Variants in CACNA1C observed in about 807,000 individuals in gnomAD.
CACNA1C encodes calcium voltage-gated channel subunit alpha1 C.
A neutral mutation model predicts 229.0 loss-of-function variants in CACNA1C; 30 were observed. The observed-to-expected ratio is 0.13, with a 90% CI of 0.10 to 0.18. The LOEUF is 0.18. CACNA1C is among the 10% of genes least tolerant of loss of function. The pLI is 1.00. For missense variants in CACNA1C, 1,658 were observed against 2,845.0 expected, an observed-to-expected ratio of 0.58 and a Z score of 9.49; for synonymous variants, 1,114 against 1,132.5, an observed-to-expected ratio of 0.98 and a Z score of 0.33.
At chr12:2,051,841 G>A (rs1477552683), upstream of CACNA1C, among the ~76,000 whole-genome samples, 1 of 152,250 alleles carries the variant, frequency 6.6e-6, no homozygotes, top group Admixed American at 6.5e-5. Context: ...GGAGTCAGCT[G>A]TAGTCTGGAA....
intron 3 of CACNA1C, among the ~76,000 whole-genome samples, chr12:2,162,757 G>T (rs926354906): frequency 2.0e-5 from 3 of 152,136 alleles, no homozygotes; most frequent in Non-Finnish European, 2.9e-5. Flanking sequence ...GTTACCATCA[G>T]TAGTGGCTTT....
intron 1 of CACNA1C, among the ~76,000 whole-genome samples, chr12:2,113,198 A>C (rs928516844): frequency 6.6e-6 from 1 of 152,298 alleles, no homozygotes; most frequent in Non-Finnish European, 1.5e-5. Context: ...TGGATGAGGA[A>C]TCTGGTGAGG....
chr12:2,451,275 G>A (rs2099366342), intron 4 of CACNA1C, among the ~76,000 whole-genome samples: 1 of 152,170 alleles, frequency 6.6e-6, no homozygotes. Context: ...CCTTAAGGTG[G>A]GTTGTTCCAA....
intron 6 of CACNA1C, among the ~76,000 whole-genome samples, chr12:2,492,487 T>A (rs1434291610): frequency 6.6e-6 from 1 of 152,234 alleles, no homozygotes; most frequent in East Asian, 1.9e-4. Context: ...AAGTCCCACA[T>A]GACATGCATG....
intron 3 of CACNA1C, among the ~76,000 whole-genome samples, chr12:2,364,878 A>G (rs1180809475): frequency 6.6e-6 from 1 of 152,210 alleles, no homozygotes; most frequent in Non-Finnish European, 1.5e-5. Context: ...AAAAGAAGGT[A>G]GTTCAAGAAG....
At chr12:2,533,281 T>A (rs1269118516) in intron 9 of CACNA1C, among the ~76,000 whole-genome samples, 1 of 152,294 alleles carries the variant, frequency 6.6e-6, no homozygotes, top group East Asian at 1.9e-4. Context: ...CTCACCAGTC[T>A]CCACATCTTG....
At chr12:2,607,593 G>C (rs1429256323) in intron 26 of CACNA1C, among the ~76,000 whole-genome samples, 3 of 152,212 alleles carry the variant, frequency 2.0e-5, no homozygotes, top group Non-Finnish European at 2.9e-5. Context: ...AGCCTTGCCT[G>C]TATTTACAGT....
chr12:2,461,612 A>G (rs934511449), intron 5 of CACNA1C, among the ~76,000 whole-genome samples: 1 of 152,168 alleles, frequency 6.6e-6, no homozygotes, highest in Non-Finnish European at 1.5e-5. Context: ...TGAATAGATA[A>G]TAAGTATCTT....
intron 3 of CACNA1C, among the ~76,000 whole-genome samples, chr12:2,327,132 C>T (rs2096343053): frequency 6.6e-6 from 1 of 152,152 alleles, no homozygotes; most frequent in Non-Finnish European, 1.5e-5. Flanking sequence ...GTAGACTGTT[C>T]ACCTCGGAGT....
At chr12:2,050,544 G>T (rs539494799), upstream of CACNA1C, among the ~76,000 whole-genome samples, 1 of 152,180 alleles carries the variant, frequency 6.6e-6, no homozygotes, top group Non-Finnish European at 1.5e-5. Flanking sequence ...CAAATTATCA[G>T]CTACAGCAGC....
chr12:2,591,962 G>A (rs139374480), intron 18 of CACNA1C, among the ~76,000 whole-genome samples: 100 of 152,294 alleles, frequency 6.6e-4, no homozygotes, highest in Non-Finnish European at 1.2e-3. Flanking sequence ...CTCTGTGCCT[G>A]TCTTGATGAG....
chr12:2,034,976 C>G lies in CACNA1C; in HGVS notation c.139+63775C>G, dbSNP rs1332033348. On this transcript the variant is annotated intron_variant, in intron 1 of 46. Transcript: ENST00000682462. This position sits in a 1 kb window ranked among gnomAD's most constrained non-coding sequence, Gnocchi z 4.1. ...GAGGGGGTGAAGAGGAGAAGGAGGTCTGGGCACTGGAAGCGGCACACGTGG... is the reference window on the plus strand; with the variant it reads ...GAGGGGGTGAAGAGGAGAAGGAGGTGTGGGCACTGGAAGCGGCACACGTGG... Among the ~76,000 whole-genome samples, 1 of 152,218 alleles carries G rather than the reference C, an allele frequency of 6.6e-6. No homozygotes were observed. The highest frequency in any genetic ancestry group is 2.4e-5 in the African/African-American group (1 of 41,462).
chr12:2,286,087 C>A (rs1486775401), intron 3 of CACNA1C, among the ~76,000 whole-genome samples: 1 of 152,206 alleles, frequency 6.6e-6, no homozygotes, highest in Non-Finnish European at 1.5e-5. Context: ...TTATGGATGA[C>A]TGCCAGAGTT....
At chr12:1,996,633 A>G (rs754489010) in intron 1 of CACNA1C, among the ~76,000 whole-genome samples, 1 of 115,826 alleles carries the variant, frequency 8.6e-6, no homozygotes, top group Non-Finnish European at 1.7e-5. Context: ...AAAAAAAAAA[A>G]AAAAAAAAAA....
intron 3 of CACNA1C, among the ~76,000 whole-genome samples, chr12:2,389,351 G>A (rs1394802562): frequency 1.3e-5 from 2 of 152,092 alleles, no homozygotes; most frequent in Non-Finnish European, 2.9e-5. Context: ...GGCAAGTGAT[G>A]GAGACAAGCG....
chr12:2,676,245 G>C (rs1007100034), intron 39 of CACNA1C: 12 of 152,076 alleles, frequency 7.9e-5, no homozygotes, highest in African/African-American at 2.7e-4. Context: ...TCCCTCCCAC[G>C]TGGAAAGGGG....
Position 2,665,569 on chromosome 12 carries a change from T to C in CACNA1C, c.4399-12T>C. 1.2e-6 allele frequency: 2 copies of C among 1,612,932 alleles called. No homozygotes were observed. Among genetic ancestry groups the C allele is most frequent in the Non-Finnish European group, 1.7e-6 (2 of 1,179,216 alleles). ...GTCTTCTCACAGCACCTCATTGTACTGTTCCCCACAGATCATCAACCTCTT... is the reference window on the plus strand; with the variant it reads ...GTCTTCTCACAGCACCTCATTGTACCGTTCCCCACAGATCATCAACCTCTT... On this transcript the variant is annotated splice_polypyrimidine_tract_variant and intron_variant, in intron 35 of 46. Transcript: ENST00000399655. This position sits in a 1 kb window ranked among gnomAD's most constrained non-coding sequence, Gnocchi z 5.9.
At chr12:2,623,919 A>G (rs1304844864) in intron 29 of CACNA1C, among the ~76,000 whole-genome samples, 1 of 152,194 alleles carries the variant, frequency 6.6e-6, no homozygotes, top group African/African-American at 2.4e-5. Context: ...GAAGGCAAAG[A>G]CAGTGGCTCC....
At position 2,630,241 on chromosome 12, in the gene CACNA1C, C is replaced by T. The variant is rs956473889; in HGVS notation, c.3829-4056C>T. On this transcript the variant is annotated intron_variant, in intron 29 of 46. Transcript: ENST00000399655. This position sits in a 1 kb window ranked among gnomAD's most constrained non-coding sequence, Gnocchi z 5.4. ...ACCAGACTCCAGGTCAGACTGATTT[C>T]GTAAGACGTGTATGATTTTTTTCCC... is the stretch of plus-strand genomic sequence containing the variant. Among the ~76,000 whole-genome samples the T allele has an allele frequency of 3.9e-5, 6 of 152,160 alleles. No homozygotes were observed. Among genetic ancestry groups the T allele is most frequent in the East Asian group, 3.9e-4 (2 of 5,184 alleles).
Sources: allele counts gnomAD v4.1 joint callset (sites outside exome capture counted in the v4.1 genomes callset), GRCh38; gene constraint gnomAD v4.1.1; non-coding constraint Gnocchi (gnomAD v3.1); transcripts MANE v1.5; gene names NCBI Gene and HGNC (gene_info 2026-07-23, HGNC 2026-07-21).